SYT1: variants seen among roughly 807,000 people sequenced by gnomAD.
The protein encoded by SYT1 is synaptotagmin-1.
A neutral mutation model predicts 44.8 loss-of-function variants in SYT1; 8 were observed. That is an observed-to-expected ratio of 0.18 (90% CI 0.10 to 0.32). The LOEUF is 0.32. Among genes scored for constraint, SYT1 ranks in the 10% least tolerant of loss-of-function variants. The pLI, the probability that SYT1 is intolerant of heterozygous loss-of-function variation, is 1.00. For missense variants in SYT1, 286 were observed against 509.3 expected (o/e 0.56, Z 4.22); for synonymous variants, 154 against 188.8 (o/e 0.82, Z 1.51).
intron 9 of SYT1, among the ~76,000 whole-genome samples, chr12:79,366,704 G>A (rs1442014444): frequency 2.0e-5 from 3 of 152,136 alleles, no homozygotes; most frequent in Non-Finnish European, 4.4e-5. Context: ...TATAAAACTA[G>A]GGTATTAGAG....
At chr12:78,982,614 T>G (rs1444525333) in intron 2 of SYT1, among the ~76,000 whole-genome samples, 3 of 152,122 alleles carry the variant, frequency 2.0e-5, no homozygotes, top group Non-Finnish European at 4.4e-5. Flanking sequence ...ATTTGGCAGC[T>G]TCTGAAAGCT....
rs1350342159 is a variant in SYT1 at position 78,972,529 on chromosome 12, C to CA, written c.-216-5260dup. Among the ~76,000 whole-genome samples the CA allele has an allele frequency of 6.8e-3, 856 of 126,308 alleles. 6 individuals carry two copies. Among genetic ancestry groups the CA allele is most frequent in the Middle Eastern group, 0.016 (4 of 252 alleles). The allele number at this position is 126,308 out of a possible 152,430, so 82.9% of individuals were successfully genotyped here. On this transcript the variant is annotated intron_variant, in intron 1 of 10. Transcript: ENST00000261205. ...CAAATAACTTGGCAGCTTTTCTCAG[C>CA]AAAAAAAAAATATATATATATATAT...
At chr12:79,427,238 G>C (rs1393455993) in intron 9 of SYT1, among the ~76,000 whole-genome samples, 1 of 152,174 alleles carries the variant, frequency 6.6e-6, no homozygotes, top group Non-Finnish European at 1.5e-5. Context: ...AGCTCAGGGA[G>C]GGCACTGCTG....
chr12:79,370,660 G>A (rs192212894), intron 9 of SYT1, among the ~76,000 whole-genome samples: 144 of 152,280 alleles, frequency 9.5e-4, no homozygotes, highest in African/African-American at 3.1e-3. Context: ...CTACTCAGGA[G>A]GCTGAGACAG....
At chr12:78,867,232 G>A (rs934806082) in intron 1 of SYT1, among the ~76,000 whole-genome samples, 4 of 152,090 alleles carry the variant, frequency 2.6e-5, no homozygotes, top group African/African-American at 9.7e-5. Context: ...CTGCCTTCAT[G>A]TGAGAAAATT....
At chr12:79,070,083 T>C (rs546805195) in intron 3 of SYT1, among the ~76,000 whole-genome samples, 48 of 152,274 alleles carry the variant, frequency 3.2e-4, no homozygotes, top group Non-Finnish European at 5.0e-4. Flanking sequence ...GCTTCTATTA[T>C]AACCAAAGCC....
chr12:78,939,506 C>A (rs1385336510), intron 1 of SYT1, among the ~76,000 whole-genome samples: 1 of 152,190 alleles, frequency 6.6e-6, no homozygotes, highest in East Asian at 1.9e-4. Context: ...GAGCTCTCAG[C>A]AGTTTCATGC....
intron 8 of SYT1, among the ~76,000 whole-genome samples, chr12:79,322,473 C>T (rs376570766): frequency 6.6e-6 from 1 of 152,112 alleles, no homozygotes; most frequent in Non-Finnish European, 1.5e-5. Context: ...GGTCATCATA[C>T]AAGTGATAAG....
intron 2 of SYT1, among the ~76,000 whole-genome samples, chr12:79,037,887 C>T (rs1052769236): frequency 6.6e-6 from 1 of 151,766 alleles, no homozygotes; most frequent in African/African-American, 2.4e-5. Context: ...TAGACACAAT[C>T]AGATAATGTT....
chr12:79,245,394 G>A (rs1876778143), intron 4 of SYT1, among the ~76,000 whole-genome samples: 1 of 142,074 alleles, frequency 7.0e-6, no homozygotes, highest in Non-Finnish European at 1.5e-5. Flanking sequence ...AGAATGGCGA[G>A]AACCCGGGAA....
intron 8 of SYT1, among the ~76,000 whole-genome samples, chr12:79,348,998 GGAAAGAAAGAAAGAAAGAAA>G (rs71865653): frequency 8.0e-6 from 1 of 125,422 alleles, no homozygotes; most frequent in East Asian, 2.3e-4. Flanking sequence ...AAAGAGAGAA[GGAAAGAAAGAAAGAAAGAAA>G]GAAAGAAAGA....
intron 9 of SYT1, among the ~76,000 whole-genome samples, chr12:79,442,922 C>T (rs1870509288): frequency 6.6e-6 from 1 of 151,896 alleles, no homozygotes; most frequent in Non-Finnish European, 1.5e-5. Context: ...GTCATCATTG[C>T]TTTCTGATAT....
intron 1 of SYT1, among the ~76,000 whole-genome samples, chr12:78,925,747 G>A (rs17046033): frequency 0.086 from 13,044 of 151,676 alleles, 649 homozygotes; most frequent in East Asian, 0.18. Flanking sequence ...TAATAATCGC[G>A]CTTTTTCTAT....
At chr12:78,918,907 C>T (rs890135757) in intron 1 of SYT1, among the ~76,000 whole-genome samples, 3 of 151,896 alleles carry the variant, frequency 2.0e-5, no homozygotes, top group Non-Finnish European at 2.9e-5. Flanking sequence ...AATTTCAGTG[C>T]AGTATGTATA....
intron 1 of SYT1, among the ~76,000 whole-genome samples, chr12:78,913,816 G>A (rs1876485330): frequency 6.6e-6 from 1 of 151,832 alleles, no homozygotes; most frequent in Non-Finnish European, 1.5e-5. Context: ...TCAACCTTAT[G>A]TATCACTAGT....
chr12:79,383,722 A>G (rs185185306), intron 9 of SYT1, among the ~76,000 whole-genome samples: 67 of 152,314 alleles, frequency 4.4e-4, no homozygotes, highest in African/African-American at 1.4e-3. Flanking sequence ...GTGAATCCCT[A>G]GATTACTCAC....
chr12:79,316,763 G>T (rs1881106331), intron 8 of SYT1, among the ~76,000 whole-genome samples: 1 of 152,182 alleles, frequency 6.6e-6, no homozygotes, highest in Non-Finnish European at 1.5e-5. Context: ...AATGCTGTTA[G>T]ATAAAAAGAT....
intron 3 of SYT1, among the ~76,000 whole-genome samples, chr12:79,090,463 C>T (rs1877697295): frequency 6.6e-6 from 1 of 151,886 alleles, no homozygotes; most frequent in Admixed American, 6.6e-5. Context: ...CTGTTTTGCC[C>T]ATCCAGCCAA....
intron 3 of SYT1, among the ~76,000 whole-genome samples, chr12:79,179,189 G>GATATAGATATATCT (rs1872198076): frequency 2.4e-5 from 1 of 40,916 alleles, no homozygotes; most frequent in African/African-American, 1.1e-4. Context: ...TATAGATATA[G>GATATAGATATATCT]ATATAGATAT....
Sources: gnomAD v4.1 joint callset for allele counts (sites outside exome capture counted in the v4.1 genomes callset) on GRCh38, gnomAD v4.1.1 for gene constraint, MANE v1.5 for transcripts, NCBI Gene and HGNC (gene_info 2026-07-23, HGNC 2026-07-21) for gene names.